Variants in KPTN observed in about 807,000 individuals in gnomAD.
KPTN encodes kaptin, actin binding protein, also known as KICSTOR complex protein kaptin.
KPTN carries 36 observed loss-of-function variants against 52.6 expected under a neutral mutation model. The observed-to-expected ratio is 0.68, with a 90% CI of 0.52 to 0.90. The LOEUF (loss-of-function observed/expected upper bound fraction) is 0.90. Among genes scored for constraint, KPTN ranks in the 40% least tolerant of loss-of-function variants. The pLI is 0.00. For synonymous variants in KPTN, 271 were observed against 248.4 expected (o/e 1.09, Z -0.85); for missense variants, 529 against 576.2 (o/e 0.92, Z 0.84).
chr19:47,482,705 TTTTA>T (rs889811781), intron 4 of KPTN, among the ~76,000 whole-genome samples: 5 of 152,192 alleles, frequency 3.3e-5, no homozygotes, highest in South Asian at 4.1e-4. Flanking sequence ...TTTCATTTTA[TTTTA>T]TTTATTTATT....
At position 47,476,829 on chromosome 19, in the gene KPTN, C is replaced by A; in HGVS notation, c.973G>T (p.Glu325Ter). The A allele has an allele frequency of 6.3e-7, 1 of 1,583,832 alleles. No homozygotes were observed. Among genetic ancestry groups the A allele is most frequent in the Non-Finnish European group, 8.6e-7 (1 of 1,164,770 alleles). ...VTDVDLDGRP[E>*]VLVATYGQEL... Reference sequence around the variant, plus strand: ...TGTCCATAGGTGGCCACCAGGACTTCTGGCCGCCCATCCAAATCCACATCG... The same window carrying A: ...TGTCCATAGGTGGCCACCAGGACTTATGGCCGCCCATCCAAATCCACATCG... The change falls in exon 10 of 12, where the codon GAA (glutamate) becomes TAA (stop). Residue 325 changes from glutamate (E) to a stop codon, truncating the protein, a stop_gained. Transcript: ENST00000338134. LOFTEE classifies it high-confidence loss of function.
chr19:47,481,781 A>T (rs1461839091), intron 4 of KPTN: 1 of 152,200 alleles, frequency 6.6e-6, no homozygotes, highest in African/African-American at 2.4e-5. Flanking sequence ...GATCTCTACC[A>T]AAAAAAGTTT....
At chr19:47,484,281 A>C (rs1056295653), upstream of KPTN, 4 of 1,290,348 alleles carry the variant, frequency 3.1e-6, no homozygotes, top group Non-Finnish European at 4.1e-6. Flanking sequence ...TGACGTACGG[A>C]AGCTGCCGGC....
intron 8 of KPTN, among the ~76,000 whole-genome samples, chr19:47,478,974 T>C (rs1055103926): frequency 1.3e-5 from 2 of 152,206 alleles, no homozygotes; most frequent in African/African-American, 4.8e-5. Context: ...TGCTAAGATC[T>C]CAGAATCCAT....
At position 47,483,969 on chromosome 19, in the gene KPTN, T is replaced by C. The variant is rs370693943; in HGVS notation, c.192A>G (p.Pro64=). The C allele has an allele frequency of 1.1e-5, 17 of 1,612,356 alleles. No homozygotes were observed. The highest frequency in any genetic ancestry group is 1.4e-5 in the Non-Finnish European group (16 of 1,179,812). The change falls in exon 1 of 12, where the codon CCA becomes CCG. Residue 64 remains proline, a synonymous_variant. Transcript: ENST00000338134. ...RYQDLRQKIR[P]VAKELQFNYI... ...AGTTGAACTGCAGCTCCTTGGCCAC[T>C]GGCCGGATTTTCTGTCGGAGGTCTT...
At chr19:47,483,473 C>A in intron 2 of KPTN, 29 bp downstream of exon 2, 1 of 1,575,070 alleles carries the variant, frequency 6.3e-7, no homozygotes, top group East Asian at 2.2e-5. Context: ...AGGAGGAGGG[C>A]GAAGGGAGGT....
chr19:47,483,221 G>C lies in KPTN; in HGVS notation c.395-6C>G. The C allele has an allele frequency of 6.2e-7, 1 of 1,614,080 alleles. No individual in the cohort carries two copies. The highest frequency in any genetic ancestry group is 8.5e-7 in the Non-Finnish European group (1 of 1,180,022). On this transcript the variant is annotated splice_polypyrimidine_tract_variant and splice_region_variant and intron_variant, in intron 3 of 11. Coordinates refer to ENST00000338134, the MANE Select transcript of KPTN (RefSeq NM_007059.4). The stretch of plus-strand genomic sequence containing the variant: ...CTCCAGGTTCAGGCAGCTCTCTGTA[G>C]GCAGGGCACAGGCAGGTTAGCATGG...
At chr19:47,480,029 A>T in intron 7 of KPTN, 89 bp from the exon 8 acceptor site, 1 of 863,842 alleles carries the variant, frequency 1.2e-6, no homozygotes, top group South Asian at 1.6e-5. Context: ...CCCACCGTTC[A>T]TCCCCACCCT....
Position 47,476,810 on chromosome 19 carries a change from T to C in KPTN, c.992A>G (p.Tyr331Cys), listed in dbSNP as rs200822662. The change falls in exon 10 of 12, where the codon TAT (tyrosine) becomes TGT (cysteine). Residue 331 changes from tyrosine (Y) to cysteine (C), a missense_variant. Transcript: ENST00000338134. ...DGRPEVLVAT[Y>C]GQELLCYKYR... is the part of the protein sequence containing the mutation. ...CCAACTGTCAGGTCCCACCTGTCCATAGGTGGCCACCAGGACTTCTGGCCG... is the reference window on the plus strand; with the variant it reads ...CCAACTGTCAGGTCCCACCTGTCCACAGGTGGCCACCAGGACTTCTGGCCG... 10 of 1,589,146 alleles carry C rather than the reference T, an allele frequency of 6.3e-6. No homozygotes were observed. Among genetic ancestry groups the C allele is most frequent in the Admixed American group, 1.8e-5 (1 of 55,776 alleles).
At position 47,479,857 on chromosome 19, in the gene KPTN, G is replaced by A. The variant is rs767297995; in HGVS notation, c.787+6C>T. 2.5e-6 allele frequency: 4 copies of A among 1,611,366 alleles called. No individual in the cohort carries two copies. In the South Asian group the frequency reaches 4.4e-5, roughly 18 times the overall value. On this transcript the variant is annotated splice_donor_region_variant and intron_variant, in intron 8 of 11. Coordinates refer to ENST00000338134, the MANE Select transcript of KPTN (RefSeq NM_007059.4). The stretch of plus-strand genomic sequence containing the variant: ...CTCTCCCCATCCCCTCAAACCCAGA[G>A]CTCACCCTTGGCGGCCGAGAGGCTG...
At position 47,484,002 on chromosome 19, in the gene KPTN, G is replaced by A. The variant is rs997996984; in HGVS notation, c.159C>T (p.Phe53=). 2 of 1,613,286 alleles carry A rather than the reference G, an allele frequency of 1.2e-6. No individual in the cohort carries two copies. The highest frequency in any genetic ancestry group is 1.7e-6 in the Non-Finnish European group (2 of 1,180,034). ...AATLKGKVLG[F]RYQDLRQKIR... is the part of the protein sequence containing the mutation. ...TTTTCTGTCGGAGGTCTTGGTAGCG[G>A]AAGCCGAGCACCTTGCCTTTAAGGG... Residue 53 remains phenylalanine (F), a synonymous_variant, in exon 1 of 12, where the codon TTC becomes TTT. Coordinates refer to ENST00000338134, the MANE Select transcript of KPTN (RefSeq NM_007059.4).
At chr19:47,480,143 G>GC (rs1247243690) in intron 7 of KPTN, among the ~76,000 whole-genome samples, 155 bp downstream of exon 7, 1 of 102,138 alleles carries the variant, frequency 9.8e-6, no homozygotes, top group Non-Finnish European at 1.9e-5. Flanking sequence ...ATAGCCCTCG[G>GC]CCCCACCCTA....
intron 9 of KPTN, among the ~76,000 whole-genome samples, chr19:47,477,482 C>T (rs1407270611): frequency 6.6e-6 from 1 of 152,150 alleles, no homozygotes; most frequent in Non-Finnish European, 1.5e-5. Context: ...ACTACATCTA[C>T]TCCAGGGGGC....
intron 4 of KPTN, 174 bp downstream of exon 4, chr19:47,482,987 G>A (rs1048433856): frequency 1.4e-6 from 1 of 692,068 alleles, no homozygotes; most frequent in African/African-American, 1.8e-5. Context: ...GATTACAGGT[G>A]TGAGCCACCG....
rs1967844988 is a variant in KPTN at position 47,480,647 on chromosome 19, G to A, written c.599+113C>T. 10 of 988,206 alleles carry A rather than the reference G, an allele frequency of 1.0e-5. No homozygotes were observed. The South Asian group carries it at 1.2e-4, about 12-fold the overall frequency. The allele number at this position is 988,206 out of a possible 1,614,324, so 61.2% of individuals were successfully genotyped here. On this transcript the variant is annotated intron_variant, in intron 6 of 11. Transcript: ENST00000338134. ...TCAATTTCTCTGAAGTCATGCCGTG[G>A]ACTGATTTTTCTGAGCTCCTCCCCG...
At chr19:47,483,649 T>G in intron 1 of KPTN, 65 bp from the exon 2 acceptor site, 4 of 1,238,392 alleles carry the variant, frequency 3.2e-6, no homozygotes, top group Non-Finnish European at 4.6e-6. Flanking sequence ...CCCAACATGG[T>G]GAGCTCTGGC....
intron 6 of KPTN, 172 bp from the exon 7 acceptor site, chr19:47,480,579 G>A (rs1055841167): frequency 1.3e-6 from 1 of 752,588 alleles, no homozygotes; most frequent in East Asian, 2.5e-5. Context: ...ACCACCCGAG[G>A]GCTGAGTCCA....
chr19:47,478,037 G>A (rs1045438668), intron 8 of KPTN, among the ~76,000 whole-genome samples: 1 of 151,448 alleles, frequency 6.6e-6, no homozygotes, highest in Non-Finnish European at 1.5e-5. Flanking sequence ...TCCAGCCTGG[G>A]TGACAGAGCG....
intron 8 of KPTN, among the ~76,000 whole-genome samples, chr19:47,479,224 G>A (rs1568455252): frequency 6.6e-6 from 1 of 152,174 alleles, no homozygotes; most frequent in Non-Finnish European, 1.5e-5. Context: ...TGTATTTTTA[G>A]TAGAGACAGG....
Sources: gnomAD v4.1 joint callset for allele counts (sites outside exome capture counted in the v4.1 genomes callset) on GRCh38, gnomAD v4.1.1 for gene constraint, MANE v1.5 for transcripts, NCBI Gene and HGNC (gene_info 2026-07-23, HGNC 2026-07-21) for gene names.